TRAPPC9: variants seen among roughly 807,000 people sequenced by gnomAD.
TRAPPC9 encodes the protein trafficking protein particle complex subunit 9, also known as IKK2 binding protein.
A neutral mutation model predicts 124.0 loss-of-function variants in TRAPPC9; 83 were observed. That is an observed-to-expected ratio of 0.67 (90% CI 0.56 to 0.80). The LOEUF (loss-of-function observed/expected upper bound fraction) is 0.80. Ranked by LOEUF, TRAPPC9 falls within the 30% of genes least tolerant of loss-of-function variation. The pLI, the probability that TRAPPC9 is intolerant of heterozygous loss-of-function variation, is 0.00. For synonymous variants in TRAPPC9, 638 were observed against 617.5 expected (o/e 1.03, Z -0.49); for missense variants, 1,302 against 1,508.3 (o/e 0.86, Z 2.27).
intron 21 of TRAPPC9, among the ~76,000 whole-genome samples, chr8:139,758,621 C>T (rs1488220516): frequency 6.6e-6 from 1 of 152,162 alleles, no homozygotes; most frequent in African/African-American, 2.4e-5. Context: ...CTGAGCCAGG[C>T]TCCCTGAAGG....
intron 21 of TRAPPC9, among the ~76,000 whole-genome samples, chr8:139,771,706 A>C (rs1820975707): frequency 6.6e-6 from 1 of 152,218 alleles, no homozygotes; most frequent in East Asian, 1.9e-4. Flanking sequence ...TGACAAGTGG[A>C]AGTAGAATCT....
At chr8:139,933,500 C>A (rs1340409458) in intron 19 of TRAPPC9, 1 of 152,302 alleles carries the variant, frequency 6.6e-6, no homozygotes, top group Non-Finnish European at 1.5e-5. Context: ...TGGGCAGACA[C>A]AGGCCACGGA....
Position 139,932,371 on chromosome 8 carries a change from C to G in TRAPPC9, c.2811-22071G>C, listed in dbSNP as rs553025973. ...CCTGAGCAGAGTGACATATGCCACA[C>G]TGGATCAGAAGCACGCTGGACCACC... On this transcript the variant is annotated intron_variant, in intron 19 of 22. Transcript: ENST00000438773. 8.7e-6 allele frequency: 4 copies of G among 457,842 alleles called. No individual in the cohort carries two copies. The East Asian group carries it at 2.8e-4, about 32-fold the overall frequency. 28.4% of individuals were successfully genotyped at this position (457,842 alleles called of 1,614,324 possible).
At chr8:139,792,238 G>C (rs925838966) in intron 21 of TRAPPC9, among the ~76,000 whole-genome samples, 1 of 152,108 alleles carries the variant, frequency 6.6e-6, no homozygotes, top group Non-Finnish European at 1.5e-5. Context: ...ATGGGGGGTG[G>C]CCAGGGGAGT....
chr8:139,875,876 G>A (rs1829286187), intron 21 of TRAPPC9, among the ~76,000 whole-genome samples: 1 of 152,226 alleles, frequency 6.6e-6, no homozygotes, highest in Admixed American at 6.5e-5. Flanking sequence ...GGGCTGTGCT[G>A]GAAAAATCCA....
chr8:139,820,250 G>A (rs1000128604), intron 21 of TRAPPC9, among the ~76,000 whole-genome samples: 2 of 151,718 alleles, frequency 1.3e-5, no homozygotes, highest in Admixed American at 6.6e-5. Context: ...GCACCATCTC[G>A]GCTTACTGCA....
intron 5 of TRAPPC9, among the ~76,000 whole-genome samples, chr8:140,426,200 G>A (rs979664895): frequency 1.3e-5 from 2 of 152,156 alleles, no homozygotes; most frequent in African/African-American, 2.4e-5. Flanking sequence ...TAAAAACTAC[G>A]AGATTTCTTT....
chr8:140,286,128 G>A (rs1403675590), intron 13 of TRAPPC9, among the ~76,000 whole-genome samples: 1 of 152,254 alleles, frequency 6.6e-6, no homozygotes, highest in African/African-American at 2.4e-5. Flanking sequence ...CTGTGCTGAG[G>A]ACTGAGGGAA....
chr8:139,907,791 T>C lies in TRAPPC9; in HGVS notation c.2964+2356A>G, dbSNP rs1008313201. ...CGCAAAGACATTTTCTGTACTTTTT[T>C]GATACTGGTTTTCAAAGAACGCAAG... On this transcript the variant is annotated intron_variant, in intron 20 of 22. Transcript: ENST00000438773. This position sits in a 1 kb window ranked among gnomAD's most constrained non-coding sequence, Gnocchi z 4.7. Among the ~76,000 whole-genome samples, 6 of 152,232 alleles carry C rather than the reference T, an allele frequency of 3.9e-5. No individual in the cohort carries two copies. Among genetic ancestry groups the C allele is most frequent in the Non-Finnish European group, 8.8e-5 (6 of 68,040 alleles).
chr8:139,796,829 T>C (rs1448593901), intron 21 of TRAPPC9, among the ~76,000 whole-genome samples: 4 of 152,246 alleles, frequency 2.6e-5, no homozygotes, highest in Non-Finnish European at 5.9e-5. Context: ...TGCTAGACTG[T>C]CTTCCAAAGT....
intron 12 of TRAPPC9, 30 bp from the exon 13 acceptor site, chr8:140,287,764 C>G (rs182078522): frequency 2.5e-6 from 4 of 1,613,718 alleles, no homozygotes; most frequent in African/African-American, 2.7e-5. Context: ...ATCGTAAGCC[C>G]GGAGCAAACC....
chr8:140,296,413 C>T (rs1272822165), intron 11 of TRAPPC9, among the ~76,000 whole-genome samples: 2 of 152,190 alleles, frequency 1.3e-5, no homozygotes, highest in East Asian at 3.9e-4. Context: ...CACAGGTGCC[C>T]GCCACCAGGC....
intron 9 of TRAPPC9, among the ~76,000 whole-genome samples, chr8:140,355,716 A>C (rs911393792): frequency 3.3e-5 from 5 of 152,234 alleles, no homozygotes; most frequent in African/African-American, 1.2e-4. Flanking sequence ...CAAGCAGTCT[A>C]ATGGGCGAGC....
chr8:140,203,627 G>A (rs1160037282), intron 17 of TRAPPC9, among the ~76,000 whole-genome samples: 7 of 152,194 alleles, frequency 4.6e-5, no homozygotes, highest in Admixed American at 3.3e-4. Flanking sequence ...CGGTGCTTGC[G>A]GGAAGGTTGA....
At chr8:139,799,033 A>G (rs1358868505) in intron 21 of TRAPPC9, among the ~76,000 whole-genome samples, 3 of 152,054 alleles carry the variant, frequency 2.0e-5, no homozygotes, top group African/African-American at 7.2e-5. Context: ...TCTCCCTCTT[A>G]GAAAAATGCA....
At chr8:139,880,919 C>T (rs1456701185) in intron 21 of TRAPPC9, among the ~76,000 whole-genome samples, 1 of 152,214 alleles carries the variant, frequency 6.6e-6, no homozygotes, top group Non-Finnish European at 1.5e-5. Context: ...TGCTCACTGC[C>T]GGGGCTCCCA....
At chr8:140,071,087 A>AT (rs1326496407) in intron 17 of TRAPPC9, among the ~76,000 whole-genome samples, 3 of 152,136 alleles carry the variant, frequency 2.0e-5, no homozygotes, top group Non-Finnish European at 4.4e-5. Flanking sequence ...GGTAAATATT[A>AT]TTTTTTCTCC....
At chr8:140,110,236 C>T (rs1281776706) in intron 17 of TRAPPC9, among the ~76,000 whole-genome samples, 1 of 136,440 alleles carries the variant, frequency 7.3e-6, no homozygotes, top group Admixed American at 7.3e-5. Flanking sequence ...TACAGCAGCT[C>T]CCCCTGTAGC....
chr8:140,189,720 T>C (rs1404820572), intron 17 of TRAPPC9, among the ~76,000 whole-genome samples: 2 of 152,152 alleles, frequency 1.3e-5, no homozygotes, highest in Non-Finnish European at 2.9e-5. Context: ...GATCATTCAT[T>C]ACTTTGTGAT....
Sources: gnomAD v4.1 joint callset for allele counts (sites outside exome capture counted in the v4.1 genomes callset) on GRCh38, gnomAD v4.1.1 for gene constraint, Gnocchi (gnomAD v3.1) non-coding constraint, MANE v1.5 for transcripts, NCBI Gene and HGNC (gene_info 2026-07-23, HGNC 2026-07-21) for gene names.